The following TACC1 variants were observed in gnomAD, a reference collection of about 807,000 sequenced individuals.
TACC1 encodes the protein transforming acidic coiled-coil-containing protein 1.
Under a neutral mutation model 84.4 loss-of-function variants are expected in TACC1, and 48 were observed. That is an observed-to-expected ratio of 0.57 (90% confidence interval 0.45 to 0.72). The LOEUF is 0.72. Ranked by LOEUF, TACC1 falls within the 30% of genes least tolerant of loss-of-function variation. The pLI, the probability that TACC1 is intolerant of heterozygous loss-of-function variation, is 0.00. For missense variants in TACC1, 920 were observed against 973.0 expected (o/e 0.95, Z 0.72); for synonymous variants, 372 against 376.3 (o/e 0.99, Z 0.13).
chr8:38,740,486 T>TCCCCCC (rs1355847365), intron 1 of TACC1, among the ~76,000 whole-genome samples: 1 of 152,124 alleles, frequency 6.6e-6, no homozygotes, highest in African/African-American at 2.4e-5. Context: ...ACCTTTTTGA[T>TCCCCCC]CCCAAATGCT....
upstream of TACC1, among the ~76,000 whole-genome samples, chr8:38,786,118 C>T (rs1161253021): frequency 6.6e-6 from 1 of 152,124 alleles, no homozygotes; most frequent in African/African-American, 2.4e-5. Context: ...CCTGCAGGCA[C>T]CTCATGGATG....
chr8:38,827,861 G>A (rs573853606), intron 5 of TACC1: 27 of 159,192 alleles, frequency 1.7e-4, no homozygotes, highest in Admixed American at 5.3e-4. Context: ...GTCACATGGC[G>A]AGAGGTGGGA....
intron 2 of TACC1, among the ~76,000 whole-genome samples, chr8:38,810,154 A>G (rs558035632): frequency 6.6e-6 from 1 of 152,122 alleles, no homozygotes; most frequent in Admixed American, 6.5e-5. Flanking sequence ...TTTAAAAGCA[A>G]ATTCCAGATA....
chr8:38,787,103 C>T (rs1314267579), upstream of TACC1: 4 of 978,060 alleles, frequency 4.1e-6, no homozygotes, highest in South Asian at 9.4e-5. Flanking sequence ...ATCCGGCGGG[C>T]GCGCGGCCGT....
chr8:38,818,975 ACC>A (rs1281827104), intron 2 of TACC1, among the ~76,000 whole-genome samples: 1 of 152,088 alleles, frequency 6.6e-6, no homozygotes, highest in Non-Finnish European at 1.5e-5. Flanking sequence ...ATGGGGTTTC[ACC>A]ATGTTGGCCA....
At chr8:38,730,200 C>T (rs939209223) in intron 1 of TACC1, among the ~76,000 whole-genome samples, 2 of 152,234 alleles carry the variant, frequency 1.3e-5, no homozygotes, top group African/African-American at 2.4e-5. Flanking sequence ...GTCCTCCCAT[C>T]CGCCTCCTTG....
intron 2 of TACC1, chr8:38,805,625 C>A (rs1822504159): frequency 6.6e-6 from 1 of 152,314 alleles, no homozygotes; most frequent in African/African-American, 2.4e-5. Flanking sequence ...CTGTGCCCAG[C>A]ACAGGGTGTG....
intron 4 of TACC1, 102 bp downstream of exon 4, chr8:38,825,470 A>G (rs1827840439): frequency 8.1e-7 from 1 of 1,229,416 alleles, no homozygotes. Context: ...TCCAATGGGT[A>G]CCTGAGTACT....
intron 2 of TACC1, among the ~76,000 whole-genome samples, chr8:38,816,465 G>T (rs1388729667): frequency 1.3e-5 from 2 of 152,162 alleles, no homozygotes; most frequent in African/African-American, 4.8e-5. Context: ...CACAAGTTAA[G>T]GTCTCAGTCC....
At chr8:38,736,869 G>C (rs983251755) in intron 1 of TACC1, among the ~76,000 whole-genome samples, 1 of 152,060 alleles carries the variant, frequency 6.6e-6, no homozygotes, top group African/African-American at 2.4e-5. Context: ...TTTTTGTCTG[G>C]CAGCCAGATA....
chr8:38,811,893 A>G (rs532528510), intron 2 of TACC1, among the ~76,000 whole-genome samples: 70 of 152,308 alleles, frequency 4.6e-4, no homozygotes, highest in Middle Eastern at 3.4e-3. Context: ...CGGACATGCA[A>G]GTAGGAGAGA....
rs2152343574 is a variant in TACC1 at position 38,848,231 on chromosome 8, T to A, written c.*208T>A. ...GAGGGTTGCATAGTCTAGAAAGGAG[T>A]GTGACCTGACAGTGCTGGAGCCTCC... is the stretch of plus-strand genomic sequence containing the variant. On this transcript the variant is annotated 3_prime_UTR_variant, in exon 13 of 13. Coordinates refer to ENST00000317827, the MANE Select transcript of TACC1 (RefSeq NM_006283.3). 2.3e-6 allele frequency: 1 copy of A among 442,300 alleles called. No individual in the cohort carries two copies. The highest frequency in any genetic ancestry group is 4.0e-6 in the Non-Finnish European group (1 of 250,430). The allele number at this position is 442,300 out of a possible 1,614,324, so 27.4% of individuals were successfully genotyped here. A position where few individuals can be genotyped will look rare whatever the true frequency, so the allele number is the denominator to read the frequency against.
rs143282425 is a variant in TACC1, at chr8:38,788,574, C to T, written c.162-130C>T. 1.6e-4 allele frequency: 110 copies of T among 702,010 alleles called. No homozygotes were observed. The African/African-American group carries it at 1.6e-3, about 10-fold the overall frequency. The allele number at this position is 702,010 out of a possible 1,614,324, so 43.5% of individuals were successfully genotyped here. A position where few individuals can be genotyped will look rare whatever the true frequency, so the allele number is the denominator to read the frequency against. On this transcript the variant is annotated intron_variant, in intron 1 of 12. Coordinates refer to ENST00000317827, the MANE Select transcript of TACC1 (RefSeq NM_006283.3). ...GCAGTTGCCTCCCGCAGGTCAGACC[C>T]TGCTGAGGACCGGTTGGTTGTGAAG...
At chr8:38,730,257 A>G (rs1224787321) in intron 1 of TACC1, among the ~76,000 whole-genome samples, 1 of 152,216 alleles carries the variant, frequency 6.6e-6, no homozygotes, top group Non-Finnish European at 1.5e-5. Context: ...TGGGAGTGCC[A>G]ACAAGGCTCA....
chr8:38,772,591 G>C (rs1413486234), intron 3 of TACC1, among the ~76,000 whole-genome samples: 1 of 152,168 alleles, frequency 6.6e-6, no homozygotes, highest in Non-Finnish European at 1.5e-5. Flanking sequence ...TGAGGGGTCA[G>C]GACGGGTCTT....
At chr8:38,831,979 G>A (rs987422411) in intron 6 of TACC1, among the ~76,000 whole-genome samples, 10 of 152,022 alleles carry the variant, frequency 6.6e-5, no homozygotes, top group Middle Eastern at 3.4e-3. Context: ...GCTAATTTTT[G>A]TATTATTAGT....
At chr8:38,755,795 T>TA (rs1403549999) in intron 3 of TACC1, among the ~76,000 whole-genome samples, 2 of 137,990 alleles carry the variant, frequency 1.4e-5, no homozygotes, top group Non-Finnish European at 3.1e-5. Context: ...TAGTGAAAGA[T>TA]AGACAAGTGA....
chr8:38,819,912 T>G lies in TACC1; in HGVS notation c.668T>G (p.Val223Gly). 6.2e-7 allele frequency: 1 copy of G among 1,614,066 alleles called. No homozygotes were observed. Among genetic ancestry groups the G allele is most frequent in the Non-Finnish European group, 8.5e-7 (1 of 1,180,028 alleles). The change falls in exon 3 of 13, where the codon GTG becomes GGG. Residue 223 changes from valine to glycine, a missense_variant. Val to Gly is a moderately radical substitution (Grantham distance 109). Around this residue, in one of 2 missense-constraint regions of TACC1, gnomAD observed 762 missense variants for 747.3 expected, o/e 1.02. Transcript: ENST00000317827. ...LKAGNSCPEL[V>G]PSRRSKLRKP... ...GCTGGCAACTCCTGTCCAGAGCTTG[T>G]GCCCAGCAGAAGAAGCAAGCTGAGA... is the stretch of plus-strand genomic sequence containing the variant.
At chr8:38,730,163 G>A (rs1365596405) in intron 1 of TACC1, among the ~76,000 whole-genome samples, 1 of 152,242 alleles carries the variant, frequency 6.6e-6, no homozygotes, top group Non-Finnish European at 1.5e-5. Context: ...GGGATTTCTA[G>A]CTTGCCCCTG....
Sources: allele counts gnomAD v4.1 joint callset (sites outside exome capture counted in the v4.1 genomes callset), GRCh38; gene constraint gnomAD v4.1.1; regional missense constraint gnomAD v4.1.1; transcripts MANE v1.5; gene names NCBI Gene and HGNC (gene_info 2026-07-23, HGNC 2026-07-21).